The following WDR72 variants were observed in gnomAD, a reference collection of about 807,000 sequenced individuals.
The protein encoded by WDR72 is WD repeat-containing protein 72.
Under a neutral mutation model 124.2 loss-of-function variants are expected in WDR72, and 120 were observed. That is an observed-to-expected ratio of 0.97 (90% CI 0.83 to 1.12). The LOEUF (loss-of-function observed/expected upper bound fraction) is 1.12, where lower values mean the gene tolerates loss of function less well. WDR72 is among the 50% of genes most tolerant of loss of function. The pLI, the probability that WDR72 is intolerant of heterozygous loss-of-function variation, is 0.00. For synonymous variants in WDR72, 452 were observed against 441.7 expected, an observed-to-expected ratio of 1.02 and a Z score of -0.29; for missense variants, 1,387 against 1,278.8, an observed-to-expected ratio of 1.08 and a Z score of -1.29.
intron 13 of WDR72, among the ~76,000 whole-genome samples, chr15:53,677,821 T>TATC (rs548316427): frequency 9.2e-5 from 14 of 152,276 alleles, no homozygotes; most frequent in East Asian, 7.7e-4. Context: ...TCCTCTTCTT[T>TATC]ATCATCATCA....
intron 12 of WDR72, among the ~76,000 whole-genome samples, chr15:53,701,425 C>T (rs1265726631): frequency 6.6e-6 from 1 of 152,082 alleles, no homozygotes; most frequent in Non-Finnish European, 1.5e-5. Flanking sequence ...CCTGTAGTCC[C>T]AGCTACTTGG....
In WDR72 at chr15:53,620,030, T is replaced by C. The variant is rs78272978; in HGVS notation, c.1963-3787A>G. On this transcript the variant is annotated intron_variant, in intron 14 of 19. Coordinates refer to ENST00000360509, the MANE Select transcript of WDR72 (RefSeq NM_182758.4). ...TTATACACTGCAAGATTAGTGTAAGTTGGCACTTATTTTATGGAAGGCAAT... is the reference window on the plus strand; with the variant it reads ...TTATACACTGCAAGATTAGTGTAAGCTGGCACTTATTTTATGGAAGGCAAT... Among the ~76,000 whole-genome samples the C allele has an allele frequency of 3.5e-3, 538 of 152,134 alleles. 6 individuals are homozygous for C. The highest frequency in any genetic ancestry group is 0.012 in the African/African-American group (511 of 41,510).
chr15:53,735,537 T>C (rs1472058912), intron 1 of WDR72, among the ~76,000 whole-genome samples: 1 of 152,204 alleles, frequency 6.6e-6, no homozygotes, highest in Non-Finnish European at 1.5e-5. Context: ...CTTAATCAAA[T>C]TTATACTTTA....
chr15:53,534,387 G>A (rs918315915), intron 18 of WDR72, among the ~76,000 whole-genome samples: 25 of 152,020 alleles, frequency 1.6e-4, no homozygotes, highest in African/African-American at 5.6e-4. Context: ...TGAGTCATGC[G>A]TTGCAAAAGA....
intron 18 of WDR72, among the ~76,000 whole-genome samples, chr15:53,574,301 C>A (rs1207871292): frequency 1.3e-5 from 2 of 152,180 alleles, no homozygotes; most frequent in East Asian, 1.9e-4. Flanking sequence ...CACACATAGA[C>A]AATGACAGCC....
intron 4 of WDR72, among the ~76,000 whole-genome samples, chr15:53,716,286 A>G (rs2017704805): frequency 6.6e-6 from 1 of 152,248 alleles, no homozygotes; most frequent in African/African-American, 2.4e-5. Flanking sequence ...AAGACAGCAC[A>G]TCATTAAAAC....
At chr15:53,572,155 A>G (rs894458132) in intron 18 of WDR72, among the ~76,000 whole-genome samples, 1 of 152,120 alleles carries the variant, frequency 6.6e-6, no homozygotes, top group African/African-American at 2.4e-5. Context: ...ATTTTCTACC[A>G]TTCTGTAGGT....
At chr15:53,659,914 C>T (rs951657103) in intron 14 of WDR72, among the ~76,000 whole-genome samples, 1 of 152,040 alleles carries the variant, frequency 6.6e-6, no homozygotes, top group African/African-American at 2.4e-5. Flanking sequence ...TTAGGTACTA[C>T]AGTTTTAAGT....
At position 53,682,779 on chromosome 15, in the gene WDR72, T is replaced by A. The variant is rs1057081292; in HGVS notation, c.1765+16971A>T. 2.0e-5 allele frequency among the ~76,000 whole-genome samples: 3 copies of A among 152,178 alleles called. 1 individual carries two copies. Among genetic ancestry groups the A allele is most frequent in the Non-Finnish European group, 4.4e-5 (3 of 68,030 alleles). ...CCTGTAAACAGTTCCAACCTCCGCT[T>A]GTTATTCAGTTCCAAAGTTGCTTCC... On this transcript the variant is annotated intron_variant, in intron 13 of 19. Transcript: ENST00000360509.
intron 18 of WDR72, among the ~76,000 whole-genome samples, chr15:53,576,685 T>C (rs527630852): frequency 6.6e-6 from 1 of 152,188 alleles, no homozygotes; most frequent in Non-Finnish European, 1.5e-5. Flanking sequence ...CAGATTCCTA[T>C]GGGAACCTAG....
rs182971263 is a variant in WDR72 at position 53,553,504 on chromosome 15, C to T, written c.3149-30182G>A. On this transcript the variant is annotated intron_variant, in intron 18 of 19. Transcript: ENST00000360509. ...ATTGTGGCTTTTAAGGAGACTCTTTCCTGAGTTCCCAATGTTTCTATTTAG... is the reference window on the plus strand; with the variant it reads ...ATTGTGGCTTTTAAGGAGACTCTTTTCTGAGTTCCCAATGTTTCTATTTAG... Among the ~76,000 whole-genome samples the T allele has an allele frequency of 3.9e-5, 6 of 152,236 alleles. No homozygotes were observed. In the East Asian group the frequency reaches 9.7e-4, roughly 25 times the overall value.
intron 18 of WDR72, among the ~76,000 whole-genome samples, chr15:53,580,922 T>G (rs1380801427): frequency 6.7e-6 from 1 of 149,726 alleles, no homozygotes; most frequent in Non-Finnish European, 1.5e-5. Flanking sequence ...ATTACATAAT[T>G]GCCTGATTCA....
At chr15:53,573,078 C>T (rs902739609) in intron 18 of WDR72, among the ~76,000 whole-genome samples, 11 of 152,144 alleles carry the variant, frequency 7.2e-5, no homozygotes, top group Non-Finnish European at 1.5e-4. Flanking sequence ...CCAAACAGTG[C>T]CATTCAACTC....
intron 14 of WDR72, among the ~76,000 whole-genome samples, chr15:53,635,034 C>CT (rs1418266297): frequency 6.6e-6 from 1 of 152,218 alleles, no homozygotes; most frequent in East Asian, 1.9e-4. Flanking sequence ...AGAAGCTCTG[C>CT]TTTTTCCTTC....
rs1273014521 is a variant in WDR72, at chr15:53,597,281, G to C, written c.2953-7C>G. On this transcript the variant is annotated splice_polypyrimidine_tract_variant and splice_region_variant and intron_variant, in intron 17 of 19. Coordinates refer to ENST00000360509, the MANE Select transcript of WDR72 (RefSeq NM_182758.4). ...CTTGTATTGCTTCAGTTACCTGTAA[G>C]GTATTTTTTTAAGTGAATTATTTTT... 2.5e-6 allele frequency: 4 copies of C among 1,612,812 alleles called. No homozygotes were observed. Among genetic ancestry groups the C allele is most frequent in the Non-Finnish European group, 2.5e-6 (3 of 1,179,470 alleles).
At chr15:53,619,955 T>C (rs919362199) in intron 14 of WDR72, among the ~76,000 whole-genome samples, 2 of 151,218 alleles carry the variant, frequency 1.3e-5, no homozygotes, top group Non-Finnish European at 2.9e-5. Context: ...GCAAATACCA[T>C]TGAAAATTGA....
intron 14 of WDR72, among the ~76,000 whole-genome samples, chr15:53,646,992 T>G (rs375041453): frequency 6.6e-6 from 1 of 152,132 alleles, no homozygotes; most frequent in African/African-American, 2.4e-5. Context: ...TATCCTTTCT[T>G]GGTACAATGC....
intron 18 of WDR72, among the ~76,000 whole-genome samples, chr15:53,593,937 T>C (rs555111027): frequency 6.6e-6 from 1 of 152,170 alleles, no homozygotes; most frequent in Non-Finnish European, 1.5e-5. Context: ...TCTTAGAGTA[T>C]AGTTCTTTTC....
At chr15:53,616,265 G>GT (rs1407173345) in intron 14 of WDR72, 22 bp from the exon 15 acceptor site, 1 of 1,569,952 alleles carries the variant, frequency 6.4e-7, no homozygotes, top group Non-Finnish European at 8.7e-7. Context: ...AAAAATATTT[G>GT]TGTCAAAGTT....
Sources: gnomAD v4.1 joint callset for allele counts (sites outside exome capture counted in the v4.1 genomes callset) on GRCh38, gnomAD v4.1.1 for gene constraint, MANE v1.5 for transcripts, NCBI Gene and HGNC (gene_info 2026-07-23, HGNC 2026-07-21) for gene names.